Variants in PTPRN2 observed in about 807,000 individuals in gnomAD.
PTPRN2 encodes receptor-type tyrosine-protein phosphatase N2.
PTPRN2 carries 74 observed loss-of-function variants against 118.8 expected under a neutral mutation model. The ratio of observed to expected loss-of-function variants is 0.62; its 90% CI spans 0.52 to 0.76. The LOEUF (loss-of-function observed/expected upper bound fraction) is 0.76. Ranked by LOEUF, PTPRN2 falls within the 30% of genes least tolerant of loss-of-function variation. The pLI, the probability that PTPRN2 is intolerant of heterozygous loss-of-function variation, is 0.00. For missense variants in PTPRN2, 1,481 were observed against 1,394.4 expected (o/e 1.06, Z -0.99); for synonymous variants, 641 against 608.0 (o/e 1.05, Z -0.80).
At chr7:158,070,597 G>GGT (rs1811224029) in intron 11 of PTPRN2, among the ~76,000 whole-genome samples, 1 of 129,918 alleles carries the variant, frequency 7.7e-6, no homozygotes, top group Non-Finnish European at 1.6e-5. Context: ...AGGTGCCTGT[G>GGT]GTGGAGGTGC....
Position 157,703,838 on chromosome 7 carries a change from G to A in PTPRN2, c.1789-20901C>T, listed in dbSNP as rs1252740894. Among the ~76,000 whole-genome samples, 6 of 152,230 alleles carry A rather than the reference G, an allele frequency of 3.9e-5. No individual in the cohort carries two copies. The South Asian group carries it at 1.2e-3, about 32-fold the overall frequency. On this transcript the variant is annotated intron_variant, in intron 12 of 22. Transcript: ENST00000389418. ...TACATTTGCCTCACTCTGGTTCTCC[G>A]GGGCTGTGGTGAGGCTGCCTCTCCC...
intron 3 of PTPRN2, among the ~76,000 whole-genome samples, chr7:158,303,150 T>C (rs1237947667): frequency 1.3e-5 from 2 of 148,544 alleles, no homozygotes; most frequent in African/African-American, 2.5e-5. Flanking sequence ...GTAACAAATG[T>C]GGATAGCACT....
At chr7:157,630,234 A>G (rs925862598) in intron 14 of PTPRN2, among the ~76,000 whole-genome samples, 26 of 152,338 alleles carry the variant, frequency 1.7e-4, no homozygotes, top group Admixed American at 1.6e-3. Flanking sequence ...TATTTTAAAT[A>G]TTATTTGTTA....
intron 12 of PTPRN2, among the ~76,000 whole-genome samples, chr7:157,837,587 C>T (rs1402060343): frequency 2.0e-5 from 3 of 152,036 alleles, no homozygotes; most frequent in Non-Finnish European, 4.4e-5. Context: ...GGCTTGACAG[C>T]CTCTGCTGGG....
chr7:157,548,625 A>G (rs558107580), intron 22 of PTPRN2, among the ~76,000 whole-genome samples: 1 of 152,230 alleles, frequency 6.6e-6, no homozygotes, highest in East Asian at 1.9e-4. Context: ...GGGTTCTGGG[A>G]TTTATCGTCA....
Position 157,986,179 on chromosome 7 carries a change from G to A in PTPRN2, c.1724-87442C>T, listed in dbSNP as rs905697012. ...TCTACAGCCCCGCTCTCGTATGTCC[G>A]GGGGAAGCTATGGAGAGGGTGCTGC... On this transcript the variant is annotated intron_variant, in intron 11 of 22. Transcript: ENST00000389418. The surrounding 1 kb of genome is among the most constrained non-coding windows in gnomAD (Gnocchi z 4.5). 2.0e-5 allele frequency among the ~76,000 whole-genome samples: 3 copies of A among 152,134 alleles called. No individual in the cohort carries two copies. The highest frequency in any genetic ancestry group is 2.1e-4 in the South Asian group (1 of 4,824).
intron 8 of PTPRN2, among the ~76,000 whole-genome samples, chr7:158,134,599 C>A (rs77862228): frequency 5.9e-5 from 9 of 152,062 alleles, no homozygotes; most frequent in African/African-American, 2.2e-4. Flanking sequence ...GAAGGGGAGA[C>A]GGAGGCACAA....
At chr7:157,994,498 T>C (rs1222087207) in intron 11 of PTPRN2, among the ~76,000 whole-genome samples, 1 of 150,660 alleles carries the variant, frequency 6.6e-6, no homozygotes, top group Non-Finnish European at 1.5e-5. Flanking sequence ...CCACAGCTCC[T>C]TGTTCCTAAA....
At chr7:158,284,956 G>A (rs959709030) in intron 3 of PTPRN2, among the ~76,000 whole-genome samples, 1 of 152,226 alleles carries the variant, frequency 6.6e-6, no homozygotes, top group African/African-American at 2.4e-5. Flanking sequence ...GCCCCCACGA[G>A]CCCGGCTGTG....
intron 21 of PTPRN2, among the ~76,000 whole-genome samples, chr7:157,549,505 C>T (rs1230095596): frequency 3.9e-5 from 6 of 152,090 alleles, no homozygotes; most frequent in Non-Finnish European, 8.8e-5. Context: ...GCTTTTTAAA[C>T]TCAAATGTTC....
At chr7:158,391,193 A>G (rs1043488098) in intron 2 of PTPRN2, among the ~76,000 whole-genome samples, 7 of 152,242 alleles carry the variant, frequency 4.6e-5, no homozygotes, top group African/African-American at 1.7e-4. Context: ...AAAGATAAAA[A>G]GAACCTGCAC....
At chr7:157,689,619 A>C (rs1255200756) in intron 12 of PTPRN2, among the ~76,000 whole-genome samples, 1 of 152,234 alleles carries the variant, frequency 6.6e-6, no homozygotes, top group Non-Finnish European at 1.5e-5. Context: ...GGAGCAGGCC[A>C]GTGTTCGGAA....
chr7:158,136,277 TGTGA>T (rs1300357796), intron 8 of PTPRN2, among the ~76,000 whole-genome samples: 1 of 152,186 alleles, frequency 6.6e-6, no homozygotes, highest in Non-Finnish European at 1.5e-5. Context: ...GACAGCCAGG[TGTGA>T]GTGAGCTGAA....
chr7:158,540,859 A>G (rs1317192), intron 1 of PTPRN2, among the ~76,000 whole-genome samples: 31,849 of 152,220 alleles, frequency 0.21, 3,583 homozygotes, highest in East Asian at 0.42. Flanking sequence ...TTAGGTCACC[A>G]AGGCCAATGT....
chr7:158,277,260 C>G lies in PTPRN2; in HGVS notation c.277+39559G>C, dbSNP rs556339964. On this transcript the variant is annotated intron_variant, in intron 3 of 22. Coordinates refer to ENST00000389418, the MANE Select transcript of PTPRN2 (RefSeq NM_002847.5). ...ATGACGGCAGCCTGTGCGAATCGGC[C>G]TCCAGCCTCCTCGGGGTCCTGCCCA... Among the ~76,000 whole-genome samples, 148 of 152,352 alleles carry G rather than the reference C, an allele frequency of 9.7e-4. 1 individual carries two copies. Among genetic ancestry groups the G allele is most frequent in the Non-Finnish European group, 1.0e-3 (71 of 68,026 alleles).
At chr7:158,310,624 C>T (rs546350417) in intron 3 of PTPRN2, among the ~76,000 whole-genome samples, 5 of 152,216 alleles carry the variant, frequency 3.3e-5, no homozygotes, top group Non-Finnish European at 7.3e-5. Flanking sequence ...CATTGCCCTG[C>T]GCAGCCTGAG....
intron 22 of PTPRN2, among the ~76,000 whole-genome samples, chr7:157,548,255 A>C (rs1367663286): frequency 6.6e-6 from 1 of 152,270 alleles, no homozygotes; most frequent in East Asian, 1.9e-4. Flanking sequence ...CAACAACAAC[A>C]AAAACCGAAT....
intron 11 of PTPRN2, among the ~76,000 whole-genome samples, chr7:157,941,358 CCCTGTGACACTGCAAATCTAACACCCTCT>C (rs1800104706): frequency 9.2e-6 from 1 of 109,062 alleles, no homozygotes; most frequent in Non-Finnish European, 1.7e-5. Flanking sequence ...TGACACCCTC[CCCTGTGACACTGCAAATCTAACACCCTCT>C]CAATCATGAC....
chr7:157,757,092 A>G (rs1801827781), intron 12 of PTPRN2, among the ~76,000 whole-genome samples: 1 of 152,194 alleles, frequency 6.6e-6, no homozygotes, highest in Admixed American at 6.5e-5. Context: ...GCGGCTCACA[A>G]GATAAAAGTT....
Sources: gnomAD v4.1 joint callset for allele counts (sites outside exome capture counted in the v4.1 genomes callset) on GRCh38, gnomAD v4.1.1 for gene constraint, Gnocchi (gnomAD v3.1) non-coding constraint, MANE v1.5 for transcripts, NCBI Gene and HGNC (gene_info 2026-07-23, HGNC 2026-07-21) for gene names.